ERC1: variants seen among roughly 807,000 people sequenced by gnomAD.
The protein encoded by ERC1 is ELKS/RAB6-interacting/CAST family member 1.
In ERC1, 56 loss-of-function variants were observed where a neutral mutation model predicts 132.0. The ratio of observed to expected loss-of-function variants is 0.42; its 90% CI spans 0.34 to 0.53. The LOEUF (loss-of-function observed/expected upper bound fraction) is 0.53, where lower values mean the gene tolerates loss of function less well. Ranked by LOEUF, ERC1 falls within the 20% of genes least tolerant of loss-of-function variation. ERC1 has a pLI of 0.03. For missense variants in ERC1, 1,202 were observed against 1,349.9 expected (o/e 0.89, Z 1.72); for synonymous variants, 478 against 476.1 (o/e 1.00, Z -0.05).
chr12:1,168,277 T>C (rs914713574), intron 8 of ERC1, among the ~76,000 whole-genome samples: 1 of 151,996 alleles, frequency 6.6e-6, no homozygotes, highest in Non-Finnish European at 1.5e-5. Context: ...TACAGCACCA[T>C]GCCTGGCTGA....
chr12:1,460,005 A>T (rs887591128), intron 18 of ERC1, among the ~76,000 whole-genome samples: 2 of 152,254 alleles, frequency 1.3e-5, no homozygotes, highest in African/African-American at 4.8e-5. Flanking sequence ...TAATTAATGA[A>T]TGATATGACA....
intron 8 of ERC1, among the ~76,000 whole-genome samples, chr12:1,168,480 T>C (rs988999890): frequency 1.8e-4 from 16 of 89,650 alleles, no homozygotes; most frequent in Non-Finnish European, 3.2e-4. Flanking sequence ...GTGACTGGTC[T>C]TTTTTTTTTT....
At position 1,028,417 on chromosome 12, in the gene ERC1, G is replaced by T. The variant is rs143485606; in HGVS notation, c.514G>T (p.Val172Leu). 1 of 1,614,060 alleles carries T rather than the reference G, an allele frequency of 6.2e-7. No individual in the cohort carries two copies. The highest frequency in any genetic ancestry group is 1.3e-5 in the African/African-American group (1 of 74,934). The change falls in exon 2 of 19, where the codon GTG becomes TTG. Residue 172 changes from valine to leucine, a missense_variant. Val to Leu is a conservative substitution (Grantham distance 32, BLOSUM62 1). Transcript: ENST00000360905. ...LRENDLLRKD[V>L]EVKESKLSSS... ...AGAAAATGATCTCTTGCGGAAGGAT[G>T]TGGAAGTAAAGGAGAGCAAATTGAG... is the stretch of plus-strand genomic sequence containing the variant.
intron 1 of ERC1, among the ~76,000 whole-genome samples, chr12:1,009,018 A>G (rs1964208660): frequency 6.6e-6 from 1 of 152,188 alleles, no homozygotes; most frequent in Non-Finnish European, 1.5e-5. Flanking sequence ...AGAAGTTAGA[A>G]GGGAGGAGCT....
chr12:1,322,732 G>T (rs989479627), intron 15 of ERC1, among the ~76,000 whole-genome samples: 5 of 151,964 alleles, frequency 3.3e-5, no homozygotes, highest in Non-Finnish European at 1.5e-5. Context: ...GACATAACTT[G>T]TCTCAGTCAT....
intron 15 of ERC1, among the ~76,000 whole-genome samples, chr12:1,354,203 A>G (rs2085304778): frequency 6.6e-6 from 1 of 151,566 alleles, no homozygotes; most frequent in African/African-American, 2.4e-5. Context: ...ATCTCCCCAG[A>G]TTCATAAGGT....
chr12:1,257,686 TG>T (rs2076897323), intron 13 of ERC1, among the ~76,000 whole-genome samples: 1 of 152,198 alleles, frequency 6.6e-6, no homozygotes, highest in Admixed American at 6.5e-5. Flanking sequence ...ATGTAAAACA[TG>T]ATGTGTCATA....
intron 12 of ERC1, among the ~76,000 whole-genome samples, chr12:1,222,893 T>G (rs1341005924): frequency 6.6e-6 from 1 of 152,222 alleles, no homozygotes; most frequent in African/African-American, 2.4e-5. Context: ...CCTTTACCAA[T>G]TAATTTTGCT....
At chr12:1,251,536 G>T (rs1442927186) in intron 13 of ERC1, among the ~76,000 whole-genome samples, 2 of 152,086 alleles carry the variant, frequency 1.3e-5, no homozygotes, top group African/African-American at 4.8e-5. Context: ...ACATCCCTGT[G>T]GATAGTTGCT....
chr12:1,164,685 G>C (rs2154262548), intron 8 of ERC1, among the ~76,000 whole-genome samples: 1 of 152,272 alleles, frequency 6.6e-6, no homozygotes, highest in South Asian at 2.1e-4. Context: ...GTCAAGAATG[G>C]GGCTCCACCT....
intron 2 of ERC1, among the ~76,000 whole-genome samples, chr12:1,052,962 C>T (rs1972288252): frequency 6.7e-6 from 1 of 150,030 alleles, no homozygotes; most frequent in African/African-American, 2.5e-5. Context: ...AAGAGTGAAA[C>T]TATGTCTCGA....
chr12:1,199,410 T>G (rs1348458100), intron 12 of ERC1, among the ~76,000 whole-genome samples: 4 of 152,178 alleles, frequency 2.6e-5, no homozygotes, highest in Non-Finnish European at 5.9e-5. Context: ...GACAACCTAG[T>G]GTGTATTTAT....
At chr12:1,078,252 T>C (rs943687145) in intron 2 of ERC1, among the ~76,000 whole-genome samples, 1 of 152,312 alleles carries the variant, frequency 6.6e-6, no homozygotes, top group Admixed American at 6.5e-5. Context: ...TTGGGATATA[T>C]TCACTCAGGA....
At chr12:1,445,390 C>A (rs560184434) in intron 18 of ERC1, among the ~76,000 whole-genome samples, 1 of 151,856 alleles carries the variant, frequency 6.6e-6, no homozygotes, top group Non-Finnish European at 1.5e-5. Flanking sequence ...CCAACATGCC[C>A]GGCTAGTTTT....
chr12:1,119,778 G>A (rs1766652206), intron 7 of ERC1, among the ~76,000 whole-genome samples: 1 of 151,920 alleles, frequency 6.6e-6, no homozygotes, highest in Admixed American at 6.6e-5. Context: ...TCGAACTCCC[G>A]ACCTCAGGTG....
intron 9 of ERC1, 135 bp from the exon 10 acceptor site, chr12:1,181,790 A>C: frequency 9.8e-7 from 1 of 1,017,514 alleles, no homozygotes; most frequent in Non-Finnish European, 1.4e-6. Context: ...TCTCAAAAAA[A>C]AAAAAAAAGT....
intron 2 of ERC1, among the ~76,000 whole-genome samples, chr12:1,082,073 G>A (rs1486087668): frequency 6.6e-6 from 1 of 152,150 alleles, no homozygotes; most frequent in African/African-American, 2.4e-5. Context: ...CTGTCACCCA[G>A]GCTGGAGTGC....
chr12:1,012,220 C>G (rs898991911), intron 1 of ERC1, among the ~76,000 whole-genome samples: 4 of 152,138 alleles, frequency 2.6e-5, no homozygotes, highest in African/African-American at 9.7e-5. Flanking sequence ...TTCAAACTTG[C>G]TGCTTCTCAG....
chr12:1,056,256 A>G (rs551464621), intron 2 of ERC1, among the ~76,000 whole-genome samples: 16 of 152,196 alleles, frequency 1.1e-4, no homozygotes, highest in Non-Finnish European at 1.9e-4. Context: ...ATAATGAAGA[A>G]TAAGATTTAG....
Sources: gnomAD v4.1 joint callset for allele counts (sites outside exome capture counted in the v4.1 genomes callset) on GRCh38, gnomAD v4.1.1 for gene constraint, MANE v1.5 for transcripts, NCBI Gene and HGNC (gene_info 2026-07-23, HGNC 2026-07-21) for gene names.